The following PRR16 variants were observed in gnomAD, a reference collection of about 807,000 sequenced individuals.
PRR16 encodes protein Largen.
A neutral mutation model predicts 18.2 loss-of-function variants in PRR16; 6 were observed. The ratio of observed to expected loss-of-function variants is 0.33; its 90% CI spans 0.18 to 0.65. The LOEUF (loss-of-function observed/expected upper bound fraction) is 0.65. Ranked by LOEUF, PRR16 falls within the 30% of genes least tolerant of loss-of-function variation. PRR16 has a pLI of 0.74. For missense variants in PRR16, 412 were observed against 376.6 expected (o/e 1.09, Z -0.78); for synonymous variants, 151 against 147.8 (o/e 1.02, Z -0.16).
chr5:120,771,705 G>T, the PRR16 span, among the ~76,000 whole-genome samples: 1 of 152,156 alleles, frequency 6.6e-6, no homozygotes, highest in South Asian at 2.1e-4. Context: ...GAGTGCTCCA[G>T]TCTGAAGGGG....
chr5:120,593,393 A>G (rs180812540), intron 1 of PRR16, among the ~76,000 whole-genome samples: 2 of 152,174 alleles, frequency 1.3e-5, no homozygotes, highest in African/African-American at 4.8e-5. Flanking sequence ...ACAAATTAGA[A>G]TATCTGGGAG....
chr5:120,760,610 G>C, the PRR16 span, among the ~76,000 whole-genome samples: 147,609 of 152,190 alleles, frequency 0.97, 71,752 homozygotes, highest in East Asian at 1. Flanking sequence ...GCCAAAGCAT[G>C]TTGCTTAATT....
intron 1 of PRR16, among the ~76,000 whole-genome samples, chr5:120,671,172 A>T (rs1756589556): frequency 6.6e-6 from 1 of 152,124 alleles, no homozygotes; most frequent in East Asian, 1.9e-4. Flanking sequence ...GTATTCCTAG[A>T]ACTCTCATTT....
intron 1 of PRR16, among the ~76,000 whole-genome samples, chr5:120,587,927 C>G (rs540821057): frequency 6.6e-6 from 1 of 152,118 alleles, no homozygotes; most frequent in African/African-American, 2.4e-5. Context: ...ATTATAGATG[C>G]CATTAAGAAC....
intron 1 of PRR16, among the ~76,000 whole-genome samples, chr5:120,649,579 C>A (rs957968873): frequency 2.6e-5 from 4 of 152,002 alleles, no homozygotes; most frequent in African/African-American, 9.7e-5. Flanking sequence ...AGCCTATGGC[C>A]ATTTGGAAGC....
At chr5:120,531,414 C>G (rs1322281583) in intron 1 of PRR16, 1 of 152,120 alleles carries the variant, frequency 6.6e-6, no homozygotes, top group African/African-American at 2.4e-5. Context: ...AAGCCCCAGA[C>G]AGCCAGGGGT....
At chr5:120,637,180 T>G (rs986427571) in intron 1 of PRR16, among the ~76,000 whole-genome samples, 1 of 152,078 alleles carries the variant, frequency 6.6e-6, no homozygotes, top group African/African-American at 2.4e-5. Flanking sequence ...TTTAAACTGT[T>G]GTTGGTAATA....
chr5:120,783,229 T>C, the PRR16 span, among the ~76,000 whole-genome samples: 2 of 152,216 alleles, frequency 1.3e-5, no homozygotes, highest in Non-Finnish European at 2.9e-5. Context: ...TTCAATGTGA[T>C]TTACTCAGTA....
intron 1 of PRR16, among the ~76,000 whole-genome samples, chr5:120,575,834 C>T (rs908398801): frequency 1.8e-4 from 28 of 152,222 alleles, no homozygotes; most frequent in African/African-American, 6.7e-4. Context: ...TAAAAACATT[C>T]AAATTAGCAA....
At chr5:120,592,667 C>A (rs1304706196) in intron 1 of PRR16, among the ~76,000 whole-genome samples, 1 of 152,008 alleles carries the variant, frequency 6.6e-6, no homozygotes, top group Non-Finnish European at 1.5e-5. Context: ...CTATGAAGAC[C>A]ACAACTTATT....
chr5:120,487,251 T>G (rs1473631159), intron 1 of PRR16, among the ~76,000 whole-genome samples: 1 of 152,242 alleles, frequency 6.6e-6, no homozygotes, highest in African/African-American at 2.4e-5. Context: ...ATGGCCATTT[T>G]GACGATATTG....
the PRR16 span, among the ~76,000 whole-genome samples, chr5:120,751,989 G>A: frequency 0.051 from 7,706 of 151,996 alleles, 249 homozygotes; most frequent in Middle Eastern, 0.2. Flanking sequence ...ATTGTTCATT[G>A]TCAAGAGGAA....
chr5:120,637,336 A>AAC (rs1391207685), intron 1 of PRR16, among the ~76,000 whole-genome samples: 1 of 150,552 alleles, frequency 6.6e-6, no homozygotes, highest in African/African-American at 2.4e-5. Context: ...AAAAAAAAAA[A>AAC]AAAAAAACTT....
chr5:120,627,747 C>G (rs1754913586), intron 1 of PRR16, among the ~76,000 whole-genome samples: 1 of 152,026 alleles, frequency 6.6e-6, no homozygotes, highest in African/African-American at 2.4e-5. Context: ...TGATGGAGCT[C>G]CAAGTTATTC....
At chr5:120,740,126 G>T in the PRR16 span, among the ~76,000 whole-genome samples, 1 of 152,108 alleles carries the variant, frequency 6.6e-6, no homozygotes. Flanking sequence ...CAATGCCATT[G>T]AATACTTAAG....
At chr5:120,642,260 GTT>G (rs60631674) in intron 1 of PRR16, among the ~76,000 whole-genome samples, 26 of 148,848 alleles carry the variant, frequency 1.7e-4, no homozygotes, top group South Asian at 6.4e-4. Context: ...TTCAACAGCT[GTT>G]TTTTTTTTTC....
chr5:120,601,194 G>A (rs556616406), intron 1 of PRR16, among the ~76,000 whole-genome samples: 1 of 152,094 alleles, frequency 6.6e-6, no homozygotes, highest in East Asian at 1.9e-4. Flanking sequence ...TCCTGCCAAC[G>A]TGTATAAGCA....
chr5:120,688,695 G>A (rs941245535), downstream of PRR16, among the ~76,000 whole-genome samples: 9 of 152,200 alleles, frequency 5.9e-5, no homozygotes, highest in African/African-American at 1.9e-4. Context: ...ACCAGTTACT[G>A]TGACCTAATA....
chr5:120,540,429 A>T (rs1751873650), intron 1 of PRR16, among the ~76,000 whole-genome samples: 2 of 152,206 alleles, frequency 1.3e-5, no homozygotes, highest in African/African-American at 4.8e-5. Context: ...TCAAGTCCTT[A>T]TAAGGCCCTA....
Sources: allele counts gnomAD v4.1 joint callset (sites outside exome capture counted in the v4.1 genomes callset), GRCh38; gene constraint gnomAD v4.1.1; transcripts MANE v1.5; gene names NCBI Gene and HGNC (gene_info 2026-07-23, HGNC 2026-07-21).